The following ATG2B variants were observed in gnomAD, a reference collection of about 807,000 sequenced individuals.
ATG2B encodes the protein autophagy related 2B, also known as autophagy-related protein 2 homolog B.
Under a neutral mutation model 241.3 loss-of-function variants are expected in ATG2B, and 121 were observed. That is an observed-to-expected ratio of 0.50 (90% CI 0.43 to 0.58). The LOEUF (loss-of-function observed/expected upper bound fraction) is 0.58. Among genes scored for constraint, ATG2B ranks in the 20% least tolerant of loss-of-function variants. The pLI, the probability that ATG2B is intolerant of heterozygous loss-of-function variation, is 0.00. For missense variants in ATG2B, 2,306 were observed against 2,491.6 expected, an observed-to-expected ratio of 0.93 and a Z score of 1.59; for synonymous variants, 858 against 876.6, an observed-to-expected ratio of 0.98 and a Z score of 0.37.
intron 41 of ATG2B, among the ~76,000 whole-genome samples, chr14:96,288,068 T>C (rs1380499605): frequency 6.6e-6 from 1 of 152,026 alleles, no homozygotes; most frequent in Non-Finnish European, 1.5e-5. Flanking sequence ...AAGCACATCC[T>C]ACCATCTCAA....
chr14:96,333,034 C>T (rs993676124), intron 8 of ATG2B, among the ~76,000 whole-genome samples: 4 of 151,970 alleles, frequency 2.6e-5, no homozygotes, highest in African/African-American at 9.7e-5. Flanking sequence ...TTCTTTTATT[C>T]AGAGCCAAAA....
At chr14:96,339,150 A>C (rs1887942265) in intron 6 of ATG2B, among the ~76,000 whole-genome samples, 1 of 152,076 alleles carries the variant, frequency 6.6e-6, no homozygotes, top group African/African-American at 2.4e-5. Context: ...TGGACATCGT[A>C]AAAAAGGAAC....
chr14:96,294,026 G>A (rs1054071129), intron 36 of ATG2B, among the ~76,000 whole-genome samples: 3 of 152,186 alleles, frequency 2.0e-5, no homozygotes, highest in African/African-American at 4.8e-5. Context: ...CTTCTTTGGC[G>A]GTGGAAAGAT....
chr14:96,320,015 G>A lies in ATG2B; in HGVS notation c.2879+2097C>T, dbSNP rs551226796. Among the ~76,000 whole-genome samples the A allele has an allele frequency of 5.3e-5, 8 of 152,222 alleles. No individual in the cohort carries two copies. The South Asian group carries it at 8.3e-4, about 16-fold the overall frequency. Reference sequence around the variant, plus strand: ...GAGACCAAAAAGTGGTTAGTGGAAGGTATTTAATAGAATAGAAACTCTCTT... The same window carrying A: ...GAGACCAAAAAGTGGTTAGTGGAAGATATTTAATAGAATAGAAACTCTCTT... On this transcript the variant is annotated intron_variant, in intron 18 of 41. Coordinates refer to ENST00000359933, the MANE Select transcript of ATG2B (RefSeq NM_018036.7).
At chr14:96,362,790 C>T (rs371897786) in intron 1 of ATG2B, 25 bp downstream of exon 1, 27 of 1,583,908 alleles carry the variant, frequency 1.7e-5, no homozygotes, top group East Asian at 6.8e-5. Context: ...CGAGCCCCGC[C>T]CGGCTCGCCG....
intron 6 of ATG2B, among the ~76,000 whole-genome samples, chr14:96,340,353 G>A (rs2139891810): frequency 6.6e-6 from 1 of 151,180 alleles, no homozygotes; most frequent in South Asian, 2.1e-4. Flanking sequence ...ATGAACAATG[G>A]AATATTATTC....
chr14:96,311,648 T>C lies in ATG2B; in HGVS notation c.3914-30A>G, dbSNP rs754059359. 4 of 1,454,314 alleles carry C rather than the reference T, an allele frequency of 2.8e-6. No individual in the cohort carries two copies. The South Asian group carries it at 4.7e-5, about 17-fold the overall frequency. The allele number at this position is 1,454,314 out of a possible 1,614,324, so 90.1% of individuals were successfully genotyped here. On this transcript the variant is annotated intron_variant, in intron 26 of 41. Coordinates refer to ENST00000359933, the MANE Select transcript of ATG2B (RefSeq NM_018036.7). ...AATTTTTAAAATTAAGAAAATCTCTTCAGTACAGCTTTCAAAAATGTGTAT... is the reference window on the plus strand; with the variant it reads ...AATTTTTAAAATTAAGAAAATCTCTCCAGTACAGCTTTCAAAAATGTGTAT...
At chr14:96,337,294 T>C (rs1194440136) in intron 6 of ATG2B, among the ~76,000 whole-genome samples, 2 of 152,238 alleles carry the variant, frequency 1.3e-5, no homozygotes, top group Non-Finnish European at 2.9e-5. Flanking sequence ...ATAGAGATTA[T>C]GTAGAAAATT....
chr14:96,298,433 T>A (rs557686950), intron 34 of ATG2B, among the ~76,000 whole-genome samples: 1 of 152,232 alleles, frequency 6.6e-6, no homozygotes, highest in African/African-American at 2.4e-5. Context: ...TATGTATTTA[T>A]TCAACCAAGA....
At chr14:96,345,592 G>A (rs1158319371) in intron 2 of ATG2B, among the ~76,000 whole-genome samples, 1 of 152,034 alleles carries the variant, frequency 6.6e-6, no homozygotes, top group Non-Finnish European at 1.5e-5. Flanking sequence ...AAAGATCACA[G>A]AAAAAAGTCC....
At chr14:96,321,267 T>C (rs1381514975) in intron 18 of ATG2B, among the ~76,000 whole-genome samples, 1 of 152,218 alleles carries the variant, frequency 6.6e-6, no homozygotes, top group East Asian at 1.9e-4. Context: ...GTCTGAAGTT[T>C]CTGAAGATTA....
At position 96,331,650 on chromosome 14, in the gene ATG2B, T is replaced by C. The variant is rs774311540; in HGVS notation, c.1469-13A>G. ...CTAGATGGGAGAGCTAAAATACAAG[T>C]ATTAAAATTATATACATAAAATTTG... On this transcript the variant is annotated splice_polypyrimidine_tract_variant and intron_variant, in intron 10 of 41. Transcript: ENST00000359933. The C allele has an allele frequency of 1.7e-5, 26 of 1,556,476 alleles. No homozygotes were observed. The highest frequency in any genetic ancestry group is 1.6e-4 in the East Asian group (7 of 44,264).
chr14:96,296,257 A>G (rs776996308), intron 34 of ATG2B, among the ~76,000 whole-genome samples: 1 of 152,204 alleles, frequency 6.6e-6, no homozygotes, highest in Non-Finnish European at 1.5e-5. Context: ...ATGATATTCA[A>G]AATAATGAAA....
intron 7 of ATG2B, 84 bp from the exon 8 acceptor site, chr14:96,333,957 C>T: frequency 8.8e-7 from 1 of 1,134,666 alleles, no homozygotes. Context: ...ATTTATGGAA[C>T]AACAATGGCA....
intron 34 of ATG2B, among the ~76,000 whole-genome samples, chr14:96,298,887 T>C (rs1301157515): frequency 6.6e-6 from 1 of 151,894 alleles, no homozygotes; most frequent in African/African-American, 2.4e-5. Flanking sequence ...CTGTGCATTT[T>C]AGTGTATGTA....
intron 36 of ATG2B, among the ~76,000 whole-genome samples, chr14:96,292,436 A>G (rs1214667183): frequency 6.6e-6 from 1 of 152,212 alleles, no homozygotes; most frequent in Admixed American, 6.5e-5. Flanking sequence ...ACACTTACAA[A>G]AATTTATTCT....
Position 96,333,958 on chromosome 14 carries a change from A to G in ATG2B, c.1022-85T>C, listed in dbSNP as rs563715771. 3.5e-6 allele frequency: 4 copies of G among 1,140,140 alleles called. No individual in the cohort carries two copies. The African/African-American group carries it at 4.6e-5, about 13-fold the overall frequency. 70.6% of individuals were successfully genotyped at this position (1,140,140 alleles called of 1,614,324 possible). On this transcript the variant is annotated intron_variant, in intron 7 of 41. Coordinates refer to ENST00000359933, the MANE Select transcript of ATG2B (RefSeq NM_018036.7). ...CTTTCCCAAAACCCATTTATGGAAC[A>G]ACAATGGCAACTTAACACCACAGTG...
chr14:96,348,341 A>C (rs1888224051), intron 1 of ATG2B, among the ~76,000 whole-genome samples: 1 of 152,182 alleles, frequency 6.6e-6, no homozygotes, highest in African/African-American at 2.4e-5. Flanking sequence ...TGGGAATGGT[A>C]GTAGGGTAGC....
Position 96,290,331 on chromosome 14 carries a change from CT to C in ATG2B, c.5856+104del. ...TAAATCACTACGAATAAAGTATCTA[CT>C]CACAACATTTTGTATATCTTCACAG... On this transcript the variant is annotated intron_variant, in intron 40 of 41. Transcript: ENST00000359933. This position sits in a 1 kb window ranked among gnomAD's most constrained non-coding sequence, Gnocchi z 4.4. 7.1e-7 allele frequency: 1 copy of C among 1,414,538 alleles called. No homozygotes were observed. Among genetic ancestry groups the C allele is most frequent in the East Asian group, 2.3e-5 (1 of 43,458 alleles). The allele number at this position is 1,414,538 out of a possible 1,614,324, so 87.6% of individuals were successfully genotyped here.
Sources: allele counts gnomAD v4.1 joint callset (sites outside exome capture counted in the v4.1 genomes callset), GRCh38; gene constraint gnomAD v4.1.1; non-coding constraint Gnocchi (gnomAD v3.1); transcripts MANE v1.5; gene names NCBI Gene and HGNC (gene_info 2026-07-23, HGNC 2026-07-21).